STIM1: variants seen among roughly 807,000 people sequenced by gnomAD.
The protein encoded by STIM1 is stromal interaction molecule 1.
A neutral mutation model predicts 74.7 loss-of-function variants in STIM1; 25 were observed. The ratio of observed to expected loss-of-function variants is 0.33; its 90% confidence interval spans 0.24 to 0.47. STIM1 has a LOEUF of 0.47. STIM1 is among the 20% of genes least tolerant of loss of function. The pLI, the probability that STIM1 is intolerant of heterozygous loss-of-function variation, is 1.00. For missense variants in STIM1, 728 were observed against 920.8 expected, an observed-to-expected ratio of 0.79 and a Z score of 2.71; for synonymous variants, 328 against 348.8, an observed-to-expected ratio of 0.94 and a Z score of 0.66.
At chr11:3,997,402 T>C (rs1470681989) in intron 2 of STIM1, among the ~76,000 whole-genome samples, 2 of 152,178 alleles carry the variant, frequency 1.3e-5, no homozygotes, top group African/African-American at 4.8e-5. Flanking sequence ...GCACCTGTAG[T>C]ACCAGCTACT....
chr11:4,091,286 T>G lies in STIM1; in HGVS notation c.1639T>G (p.Leu547Val), dbSNP rs2094522992. Reference sequence around the variant, plus strand: ...TCTCTGCCCCATGTCTTGCAGGGATTTGACCCATTCCGATTCGGAGTCCTC... The same window carrying G: ...TCTCTGCCCCATGTCTTGCAGGGATGTGACCCATTCCGATTCGGAGTCCTC... ...PQHGLGSQRD[L>V]THSDSESSLH... The change falls in exon 13 of 13, where the codon TTG becomes GTG. Residue 547 changes from leucine (L) to valine (V), a missense_variant. Leu to Val is a conservative substitution (Grantham distance 32). Coordinates refer to ENST00000526596, the MANE Select transcript of STIM1 (RefSeq NM_001382567.1). 1 of 1,614,218 alleles carries G rather than the reference T, an allele frequency of 6.2e-7. No individual in the cohort carries two copies. The highest frequency in any genetic ancestry group is 8.5e-7 in the Non-Finnish European group (1 of 1,180,048).
chr11:3,874,899 C>T (rs1037467225), intron 1 of STIM1, among the ~76,000 whole-genome samples: 4 of 151,338 alleles, frequency 2.6e-5, no homozygotes, highest in Admixed American at 6.6e-5. Context: ...CTGTGTCTTT[C>T]TGATTTGCCC....
intron 3 of STIM1, among the ~76,000 whole-genome samples, chr11:4,040,515 C>A (rs1467215006): frequency 6.6e-6 from 1 of 152,242 alleles, no homozygotes; most frequent in African/African-American, 2.4e-5. Flanking sequence ...TGTGTTCCCA[C>A]AGCCCCTATC....
At chr11:4,077,326 G>A (rs56140937) in intron 7 of STIM1, among the ~76,000 whole-genome samples, 5,736 of 151,748 alleles carry the variant, frequency 0.038, 258 homozygotes, top group East Asian at 0.19. Flanking sequence ...AATTATAAGT[G>A]GATGAATTCA....
intron 3 of STIM1, among the ~76,000 whole-genome samples, chr11:4,039,738 C>T (rs758981647): frequency 3.3e-5 from 5 of 151,600 alleles, no homozygotes; most frequent in Admixed American, 6.6e-5. Context: ...GTAATATGTA[C>T]ACATAAATAA....
chr11:3,858,638 T>C (rs34345859), intron 1 of STIM1, among the ~76,000 whole-genome samples: 64 of 152,324 alleles, frequency 4.2e-4, no homozygotes, highest in Admixed American at 1.0e-3. Flanking sequence ...AGAGAAACTT[T>C]CTATGCAACT....
At chr11:3,977,644 C>T (rs964073654) in intron 2 of STIM1, among the ~76,000 whole-genome samples, 2 of 152,176 alleles carry the variant, frequency 1.3e-5, no homozygotes, top group African/African-American at 4.8e-5. Flanking sequence ...AAAGTTTTTA[C>T]GTTATCATCA....
chr11:4,055,679 A>C, intron 4 of STIM1, 42 bp downstream of exon 4: 1 of 1,489,016 alleles, frequency 6.7e-7, no homozygotes, highest in Non-Finnish European at 9.2e-7. Flanking sequence ...GGGTACGGGG[A>C]ATGGGCTGGA....
At chr11:4,055,022 T>C (rs2133081086) in intron 3 of STIM1, among the ~76,000 whole-genome samples, 1 of 152,330 alleles carries the variant, frequency 6.6e-6, no homozygotes, top group South Asian at 2.1e-4. Flanking sequence ...TGGCACTAAG[T>C]AGTCCCCTTA....
At chr11:3,965,946 G>T (rs2135730174) in intron 1 of STIM1, among the ~76,000 whole-genome samples, 1 of 152,344 alleles carries the variant, frequency 6.6e-6, no homozygotes, top group South Asian at 2.1e-4. Flanking sequence ...AACGAAGGTT[G>T]CAGTGAGCAG....
In STIM1 at chr11:3,913,762, GA is replaced by G. The variant is rs1359467511; in HGVS notation, c.140-53786del. 2.0e-5 allele frequency among the ~76,000 whole-genome samples: 3 copies of G among 152,188 alleles called. No individual in the cohort carries two copies. The East Asian group carries it at 5.8e-4, about 29-fold the overall frequency. On this transcript the variant is annotated intron_variant, in intron 1 of 12. Transcript: ENST00000526596. ...CCAAAACATTTCTGTCATTCCAAAG[GA>G]AAACCCCTTACCTATTAAGCAGTTT...
intron 2 of STIM1, among the ~76,000 whole-genome samples, chr11:3,968,607 A>G (rs894708287): frequency 6.6e-6 from 1 of 152,232 alleles, no homozygotes; most frequent in African/African-American, 2.4e-5. Context: ...TTAAGCGTCT[A>G]TGTACCATGC....
chr11:3,873,444 ACTT>A (rs1391478081), intron 1 of STIM1, among the ~76,000 whole-genome samples: 1 of 149,912 alleles, frequency 6.7e-6, no homozygotes, highest in East Asian at 1.9e-4. Context: ...AAAATTAAAA[ACTT>A]TTTTTTTTTT....
In STIM1 at chr11:4,082,883, C is replaced by G; in HGVS notation, c.1139C>G (p.Ala380Gly). ...EKQLLVAKEG[A>G]EKIKKKRNTL... Reference sequence around the variant, plus strand: ...GAGCTGGGGGCCTCATCTTTGCAGGCTGAGAAGATAAAAAAGAAGAGAAAC... The same window carrying G: ...GAGCTGGGGGCCTCATCTTTGCAGGGTGAGAAGATAAAAAAGAAGAGAAAC... The change falls in exon 9 of 13, where the codon GCT becomes GGT. Residue 380 changes from alanine to glycine, a missense_variant and splice_region_variant. This residue lies in a region of STIM1 where 131 missense variants were observed against 235.9 expected (regional missense o/e 0.56). Coordinates refer to ENST00000526596, the MANE Select transcript of STIM1 (RefSeq NM_001382567.1). 6.2e-7 allele frequency: 1 copy of G among 1,613,862 alleles called. No homozygotes were observed. The highest frequency in any genetic ancestry group is 8.5e-7 in the Non-Finnish European group (1 of 1,179,818).
Position 4,028,328 on chromosome 11 carries a change from C to T in STIM1, c.385+4341C>T, listed in dbSNP as rs145009374. 8.6e-3 allele frequency among the ~76,000 whole-genome samples: 1,302 copies of T among 152,072 alleles called. 49 individuals carry two copies. Among genetic ancestry groups the T allele is most frequent in the Admixed American group, 0.067 (1,024 of 15,270 alleles). On this transcript the variant is annotated intron_variant, in intron 3 of 12. Coordinates refer to ENST00000526596, the MANE Select transcript of STIM1 (RefSeq NM_001382567.1). Reference sequence around the variant, plus strand: ...AACTCCTGATCTCAAGTGATCTACCCGCCTCAGCCTCCTAAAATGCTGGGA... The same window carrying T: ...AACTCCTGATCTCAAGTGATCTACCTGCCTCAGCCTCCTAAAATGCTGGGA...
chr11:4,025,784 G>A (rs1383538744), intron 3 of STIM1, among the ~76,000 whole-genome samples: 2 of 152,156 alleles, frequency 1.3e-5, no homozygotes, highest in African/African-American at 4.8e-5. Flanking sequence ...TTTGGACTTA[G>A]CAACTATTTG....
chr11:4,065,513 T>G (rs1166113942), intron 5 of STIM1, among the ~76,000 whole-genome samples: 2 of 151,956 alleles, frequency 1.3e-5, no homozygotes, highest in Non-Finnish European at 1.5e-5. Context: ...CTGCCTTTTA[T>G]CCTTTAAACT....
At chr11:4,029,386 T>G (rs1368283358) in intron 3 of STIM1, among the ~76,000 whole-genome samples, 1 of 151,920 alleles carries the variant, frequency 6.6e-6, no homozygotes. Flanking sequence ...ATTAAAAAAT[T>G]GCTTCCTTAC....
intron 1 of STIM1, among the ~76,000 whole-genome samples, chr11:3,872,818 G>C (rs991406586): frequency 1.3e-5 from 2 of 151,948 alleles, no homozygotes; most frequent in Non-Finnish European, 2.9e-5. Flanking sequence ...ACCGTGTCTG[G>C]CTCTTTACCT....
Sources: allele counts gnomAD v4.1 joint callset (sites outside exome capture counted in the v4.1 genomes callset), GRCh38; gene constraint gnomAD v4.1.1; regional missense constraint gnomAD v4.1.1; transcripts MANE v1.5; gene names NCBI Gene and HGNC (gene_info 2026-07-23, HGNC 2026-07-21).